RIT2: variants seen among roughly 807,000 people sequenced by gnomAD.
RIT2 encodes the protein Ras like without CAAX 2.
Under a neutral mutation model 23.7 loss-of-function variants are expected in RIT2, and 24 were observed. The observed-to-expected ratio is 1.01, with a 90% CI of 0.73 to 1.43. The LOEUF (loss-of-function observed/expected upper bound fraction) is 1.43, where lower values mean the gene tolerates loss of function less well. RIT2 is among the 40% of genes most tolerant of loss of function. The probability of loss-of-function intolerance (pLI) is 0.00; values close to 1 mark genes in which losing one functional copy is unlikely to be tolerated. For synonymous variants in RIT2, 107 were observed against 91.1 expected, an observed-to-expected ratio of 1.17 and a Z score of -0.99; for missense variants, 236 against 266.9, an observed-to-expected ratio of 0.88 and a Z score of 0.81.
chr18:42,950,794 G>C (rs1909832934), intron 3 of RIT2, among the ~76,000 whole-genome samples: 1 of 151,140 alleles, frequency 6.6e-6, no homozygotes, highest in African/African-American at 2.4e-5. Flanking sequence ...AACTTGTGGA[G>C]CATGTGAAAA....
At chr18:42,816,222 T>G (rs531296477) in intron 4 of RIT2, among the ~76,000 whole-genome samples, 11 of 152,234 alleles carry the variant, frequency 7.2e-5, no homozygotes, top group African/African-American at 2.6e-4. Context: ...AACTGCTGAT[T>G]TCATGATGTC....
At chr18:42,896,495 G>A (rs1391125117) in intron 4 of RIT2, among the ~76,000 whole-genome samples, 2 of 152,084 alleles carry the variant, frequency 1.3e-5, no homozygotes, top group African/African-American at 4.8e-5. Flanking sequence ...TATCAATATT[G>A]TTTAATGTGA....
intron 1 of RIT2, among the ~76,000 whole-genome samples, chr18:43,034,237 T>A (rs539781469): frequency 6.6e-6 from 1 of 152,304 alleles, no homozygotes; most frequent in Non-Finnish European, 1.5e-5. Context: ...CACCAAAGAA[T>A]CTGTACATTC....
At chr18:42,927,369 GGT>G (rs60819423) in intron 3 of RIT2, among the ~76,000 whole-genome samples, 30,073 of 147,624 alleles carry the variant, frequency 0.2, 3,309 homozygotes, top group East Asian at 0.3. Flanking sequence ...ATGTGGATGT[GGT>G]GTGTGTGTGT....
At chr18:43,096,175 A>T (rs1166359700) in intron 1 of RIT2, among the ~76,000 whole-genome samples, 1 of 151,948 alleles carries the variant, frequency 6.6e-6, no homozygotes, top group Non-Finnish European at 1.5e-5. Flanking sequence ...GAGTCTGTTA[A>T]GAAATCCACG....
intron 2 of RIT2, among the ~76,000 whole-genome samples, chr18:42,980,663 C>T (rs1910578844): frequency 6.6e-6 from 1 of 152,140 alleles, no homozygotes; most frequent in Non-Finnish European, 1.5e-5. Context: ...CCCTGGACTC[C>T]TCTGCAGGAG....
intron 1 of RIT2, among the ~76,000 whole-genome samples, chr18:43,047,137 T>C (rs997472984): frequency 3.3e-5 from 5 of 152,152 alleles, no homozygotes; most frequent in African/African-American, 9.7e-5. Context: ...GATCATTTCT[T>C]TTTTCTCATT....
chr18:42,936,739 C>T (rs537512179), intron 3 of RIT2, among the ~76,000 whole-genome samples: 20 of 152,250 alleles, frequency 1.3e-4, no homozygotes, highest in African/African-American at 4.1e-4. Flanking sequence ...GGGCCAGGCA[C>T]GGTGGCTCAC....
At chr18:42,844,446 G>C (rs886397817) in intron 4 of RIT2, among the ~76,000 whole-genome samples, 1 of 152,154 alleles carries the variant, frequency 6.6e-6, no homozygotes, top group Non-Finnish European at 1.5e-5. Context: ...TTTATTAAGT[G>C]ATGGAAGTGG....
chr18:42,930,136 A>T (rs1238088004), intron 3 of RIT2, among the ~76,000 whole-genome samples: 1 of 152,166 alleles, frequency 6.6e-6, no homozygotes, highest in Non-Finnish European at 1.5e-5. Flanking sequence ...CCTGACAACC[A>T]GGTTTTGGGT....
intron 4 of RIT2, among the ~76,000 whole-genome samples, chr18:42,891,444 C>T (rs1908171870): frequency 6.6e-6 from 1 of 152,094 alleles, no homozygotes; most frequent in South Asian, 2.1e-4. Flanking sequence ...TCAATGTCCA[C>T]AGAAAAACCT....
intron 4 of RIT2, among the ~76,000 whole-genome samples, chr18:42,768,083 G>A (rs1292542024): frequency 6.6e-6 from 1 of 150,478 alleles, no homozygotes; most frequent in Non-Finnish European, 1.5e-5. Flanking sequence ...ATAGTATATA[G>A]CATATATATA....
intron 4 of RIT2, among the ~76,000 whole-genome samples, chr18:42,916,581 G>A (rs1340499030): frequency 6.6e-6 from 1 of 152,044 alleles, no homozygotes; most frequent in Non-Finnish European, 1.5e-5. Flanking sequence ...CACACAATTC[G>A]TATGCACTTG....
chr18:42,757,605 C>G (rs679462), intron 4 of RIT2, among the ~76,000 whole-genome samples: 101,566 of 152,100 alleles, frequency 0.67, 36,893 homozygotes, highest in Middle Eastern at 0.83. Context: ...CTTACACACA[C>G]GGAGACAGGC....
chr18:42,745,143 T>A (rs1912888297), intron 4 of RIT2, among the ~76,000 whole-genome samples: 1 of 152,172 alleles, frequency 6.6e-6, no homozygotes, highest in Non-Finnish European at 1.5e-5. Context: ...TTCCTATAGC[T>A]GGTACTAACA....
At chr18:42,806,374 C>A (rs1340558010) in intron 4 of RIT2, among the ~76,000 whole-genome samples, 2 of 151,822 alleles carry the variant, frequency 1.3e-5, no homozygotes, top group Non-Finnish European at 2.9e-5. Context: ...GAGGATGAGG[C>A]AGGAGAATCA....
At chr18:43,098,487 C>G (rs1163668030) in intron 1 of RIT2, among the ~76,000 whole-genome samples, 1 of 151,736 alleles carries the variant, frequency 6.6e-6, no homozygotes, top group South Asian at 2.1e-4. Flanking sequence ...ATAATAAATG[C>G]TTTTATTGAA....
chr18:42,867,989 A>G lies in RIT2; in HGVS notation c.426+55583T>C, dbSNP rs749098842. ...CACTGTGTGGCCAGTGCTGAAAACC[A>G]TTGCCTTACTTCAAGGAGTATTTTC... On this transcript the variant is annotated intron_variant, in intron 4 of 4. Coordinates refer to ENST00000326695, the MANE Select transcript of RIT2 (RefSeq NM_002930.4). Among the ~76,000 whole-genome samples, 4 of 152,276 alleles carry G rather than the reference A, an allele frequency of 2.6e-5. No homozygotes were observed. In the East Asian group the frequency reaches 5.8e-4, roughly 22 times the overall value.
At position 42,766,877 on chromosome 18, in the gene RIT2, G is replaced by A. The variant is rs376344342; in HGVS notation, c.427-23157C>T. On this transcript the variant is annotated intron_variant, in intron 4 of 4. Coordinates refer to ENST00000326695, the MANE Select transcript of RIT2 (RefSeq NM_002930.4). ...ACTTAGATTTTGGCCTGTGGCTTCA[G>A]AGCGTGGAAGCCCTGGGCTTTTGCA... 9.2e-5 allele frequency among the ~76,000 whole-genome samples: 14 copies of A among 152,244 alleles called. No individual in the cohort carries two copies. The East Asian group carries it at 1.7e-3, about 19-fold the overall frequency.
Sources: allele counts gnomAD v4.1 joint callset (sites outside exome capture counted in the v4.1 genomes callset), GRCh38; gene constraint gnomAD v4.1.1; transcripts MANE v1.5; gene names NCBI Gene and HGNC (gene_info 2026-07-23, HGNC 2026-07-21).